GALNT17: variants seen among roughly 807,000 people sequenced by gnomAD.
GALNT17 encodes the protein UDP-GalNAc:polypeptide N-acetylgalactosaminyltransferase-like 3.
A neutral mutation model predicts 63.7 loss-of-function variants in GALNT17; 29 were observed. That is an observed-to-expected ratio of 0.46 (90% CI 0.34 to 0.62). The LOEUF (loss-of-function observed/expected upper bound fraction) is 0.62. Ranked by LOEUF, GALNT17 falls within the 20% of genes least tolerant of loss-of-function variation. The probability of loss-of-function intolerance (pLI) is 0.01; values close to 1 mark genes in which losing one functional copy is unlikely to be tolerated. For missense variants in GALNT17, 603 were observed against 799.6 expected, an observed-to-expected ratio of 0.75 and a Z score of 2.97; for synonymous variants, 305 against 318.3, an observed-to-expected ratio of 0.96 and a Z score of 0.45.
intron 1 of GALNT17, among the ~76,000 whole-genome samples, chr7:71,334,023 GC>G (rs1791853116): frequency 6.6e-6 from 1 of 152,162 alleles, no homozygotes; most frequent in African/African-American, 2.4e-5. Context: ...GGTAGAAAGT[GC>G]TGGAGTACTC....
chr7:71,142,690 C>T (rs573041000), intron 1 of GALNT17, among the ~76,000 whole-genome samples: 2 of 152,238 alleles, frequency 1.3e-5, no homozygotes, highest in East Asian at 3.9e-4. Context: ...CCTGTAATCC[C>T]AGCACTTTGG....
At chr7:71,161,980 C>G (rs1315980093) in intron 1 of GALNT17, among the ~76,000 whole-genome samples, 3 of 150,706 alleles carry the variant, frequency 2.0e-5, no homozygotes, top group Non-Finnish European at 4.4e-5. Flanking sequence ...TCCCTTCTGC[C>G]CTTCCTCTTC....
chr7:71,640,845 C>CA (rs35666782), intron 6 of GALNT17, among the ~76,000 whole-genome samples: 17,422 of 141,046 alleles, frequency 0.12, 1,106 homozygotes, highest in Non-Finnish European at 0.16. Context: ...GACCCCATCT[C>CA]AAAAAAAAAA....
Position 71,433,364 on chromosome 7 carries a change from G to C in GALNT17, c.962+12259G>C, listed in dbSNP as rs184273281. ...AGGGGTCACCCCCATCTGTGGAGGA[G>C]GGATGGATAGAGGAGTGACTGATAA... is the stretch of plus-strand genomic sequence containing the variant. On this transcript the variant is annotated intron_variant, in intron 5 of 10. Transcript: ENST00000333538. Among the ~76,000 whole-genome samples the C allele has an allele frequency of 2.0e-5, 3 of 152,334 alleles. No individual in the cohort carries two copies. The East Asian group carries it at 5.8e-4, about 29-fold the overall frequency.
chr7:71,279,871 C>CT (rs1262743108), intron 1 of GALNT17, among the ~76,000 whole-genome samples: 3 of 151,438 alleles, frequency 2.0e-5, no homozygotes, highest in African/African-American at 7.3e-5. Flanking sequence ...GGCATGTAAA[C>CT]TTTCTTGATG....
Position 71,710,929 on chromosome 7 carries a change from G to A in GALNT17, c.1668+1G>A. On this transcript the variant is annotated splice_donor_variant, in intron 10 of 10. Transcript: ENST00000333538. LOFTEE classifies it high-confidence loss of function. The stretch of plus-strand genomic sequence containing the variant: ...GTACAAGCGCTGGAACTTCATCCAG[G>A]TGAGTGCTGTATGGACAGAGCCAGC... The A allele has an allele frequency of 6.2e-7, 1 of 1,613,382 alleles. No individual in the cohort carries two copies. The highest frequency in any genetic ancestry group is 8.5e-7 in the Non-Finnish European group (1 of 1,179,998).
At chr7:71,606,163 C>T (rs748748705) in intron 6 of GALNT17, among the ~76,000 whole-genome samples, 1 of 147,736 alleles carries the variant, frequency 6.8e-6, no homozygotes, top group African/African-American at 2.5e-5. Context: ...TTATGCTGCC[C>T]AGGCTGGTCT....
At chr7:71,417,287 A>G (rs949066043) in intron 4 of GALNT17, among the ~76,000 whole-genome samples, 1 of 152,168 alleles carries the variant, frequency 6.6e-6, no homozygotes, top group Non-Finnish European at 1.5e-5. Context: ...TAAAAAGACA[A>G]TGTTTATGCA....
At position 71,585,404 on chromosome 7, in the gene GALNT17, T is replaced by C. The variant is rs149294317; in HGVS notation, c.1080+14002T>C. On this transcript the variant is annotated intron_variant, in intron 6 of 10. Coordinates refer to ENST00000333538, the MANE Select transcript of GALNT17 (RefSeq NM_022479.3). ...CTACGGAATGGTGATTTTTAGACTC[T>C]ACACTCATTCTGCATTTATAAGCTG... 7.2e-5 allele frequency among the ~76,000 whole-genome samples: 11 copies of C among 152,358 alleles called. No homozygotes were observed. In the East Asian group the frequency reaches 1.9e-3, roughly 27 times the overall value.
chr7:71,188,947 T>G (rs1338860910), intron 1 of GALNT17, among the ~76,000 whole-genome samples: 4 of 152,160 alleles, frequency 2.6e-5, no homozygotes, highest in Non-Finnish European at 5.9e-5. Context: ...CCTTGGTATA[T>G]TGATTGCTGC....
intron 1 of GALNT17, among the ~76,000 whole-genome samples, chr7:71,272,397 C>T (rs1442630282): frequency 6.6e-6 from 1 of 152,160 alleles, no homozygotes; most frequent in Non-Finnish European, 1.5e-5. Context: ...TGTAAAAAAA[C>T]GCCAGCCTGT....
chr7:71,266,436 C>T (rs1004073212), intron 1 of GALNT17, among the ~76,000 whole-genome samples: 1 of 152,176 alleles, frequency 6.6e-6, no homozygotes, highest in Non-Finnish European at 1.5e-5. Flanking sequence ...CTCTATCTCT[C>T]TCCTGCTCTG....
chr7:71,292,627 G>A (rs1790997954), intron 1 of GALNT17, among the ~76,000 whole-genome samples: 1 of 148,364 alleles, frequency 6.7e-6, no homozygotes, highest in Non-Finnish European at 1.5e-5. Context: ...GGTACCATTT[G>A]GGAGAGGGAG....
chr7:71,250,522 G>A (rs946960057), intron 1 of GALNT17, among the ~76,000 whole-genome samples: 9 of 152,110 alleles, frequency 5.9e-5, no homozygotes, highest in African/African-American at 2.2e-4. Context: ...AATATAGAGT[G>A]AATGAAATTA....
chr7:71,300,125 C>T (rs1234085678), intron 1 of GALNT17, among the ~76,000 whole-genome samples: 2 of 152,180 alleles, frequency 1.3e-5, no homozygotes, highest in Non-Finnish European at 2.9e-5. Context: ...CAAAGCCTGC[C>T]TCTCCTTCAT....
At chr7:71,164,594 A>G (rs1022656734) in intron 1 of GALNT17, among the ~76,000 whole-genome samples, 9 of 152,212 alleles carry the variant, frequency 5.9e-5, no homozygotes, top group African/African-American at 1.9e-4. Context: ...AAGTGCACTT[A>G]AGTGGGACTT....
Position 71,381,506 on chromosome 7 carries a change from C to T in GALNT17, c.423-6729C>T, listed in dbSNP as rs950034631. ...AGAAGCCTGCAGAGCAGGCCAGGTG[C>T]GGGGGCTCAGGCCTGGAATCCCAGC... is the stretch of plus-strand genomic sequence containing the variant. On this transcript the variant is annotated intron_variant, in intron 2 of 10. Coordinates refer to ENST00000333538, the MANE Select transcript of GALNT17 (RefSeq NM_022479.3). Among the ~76,000 whole-genome samples, 13 of 151,784 alleles carry T rather than the reference C, an allele frequency of 8.6e-5. 1 individual carries two copies. Among genetic ancestry groups the T allele is most frequent in the Non-Finnish European group, 7.4e-5 (5 of 67,942 alleles).
chr7:71,658,421 T>C (rs1790860904), intron 6 of GALNT17, among the ~76,000 whole-genome samples: 1 of 152,174 alleles, frequency 6.6e-6, no homozygotes, highest in Non-Finnish European at 1.5e-5. Flanking sequence ...CCCCAGAGTC[T>C]TGTGATGGTT....
rs115078897 is a variant in GALNT17, at chr7:71,510,126, T to A, written c.963-61159T>A. Among the ~76,000 whole-genome samples, 457 of 152,132 alleles carry A rather than the reference T, an allele frequency of 3.0e-3. 1 individual carries two copies. The highest frequency in any genetic ancestry group is 0.01 in the African/African-American group (422 of 41,526). On this transcript the variant is annotated intron_variant, in intron 5 of 10. Transcript: ENST00000333538. ...CGCCTGGCTAATGTTTTTTAATATTTTGTAGAGATGGGGCCTTGCTCTATT... is the reference window on the plus strand; with the variant it reads ...CGCCTGGCTAATGTTTTTTAATATTATGTAGAGATGGGGCCTTGCTCTATT...
Sources: gnomAD v4.1 joint callset for allele counts (sites outside exome capture counted in the v4.1 genomes callset) on GRCh38, gnomAD v4.1.1 for gene constraint, MANE v1.5 for transcripts, NCBI Gene and HGNC (gene_info 2026-07-23, HGNC 2026-07-21) for gene names.